The following FLI1 variants were observed in gnomAD, a reference collection of about 807,000 sequenced individuals.
The protein encoded by FLI1 is Fli-1 proto-oncogene, ETS transcription factor.
Under a neutral mutation model 53.1 loss-of-function variants are expected in FLI1, and 13 were observed. The observed-to-expected ratio is 0.24, with a 90% CI of 0.16 to 0.39. FLI1 has a LOEUF of 0.39. FLI1 is among the 10% of genes least tolerant of loss of function. The pLI is 1.00. For synonymous variants in FLI1, 244 were observed against 236.7 expected (o/e 1.03, Z -0.28); for missense variants, 424 against 600.5 (o/e 0.71, Z 3.07).
At chr11:128,784,018 G>A (rs1273293202) in intron 5 of FLI1, among the ~76,000 whole-genome samples, 3 of 151,968 alleles carry the variant, frequency 2.0e-5, no homozygotes, top group Non-Finnish European at 1.5e-5. Context: ...AGGGAGGGAT[G>A]GGAGGAACCC....
At chr11:128,768,398 C>G (rs1291982411) in intron 3 of FLI1, 126 bp downstream of exon 3, 2 of 1,222,040 alleles carry the variant, frequency 1.6e-6, no homozygotes, top group African/African-American at 1.5e-5. Flanking sequence ...AAGCTGCACG[C>G]CAGCCGGGAG....
At chr11:128,775,712 C>T (rs531479611) in intron 4 of FLI1, among the ~76,000 whole-genome samples, 21 of 152,326 alleles carry the variant, frequency 1.4e-4, no homozygotes, top group African/African-American at 4.8e-4. Flanking sequence ...AAGGCCAGTG[C>T]TTGTGGAGAG....
At chr11:128,799,040 A>T (rs625727) in intron 5 of FLI1, among the ~76,000 whole-genome samples, 24,927 of 130,774 alleles carry the variant, frequency 0.19, 2,543 homozygotes, top group Non-Finnish European at 0.22. Flanking sequence ...TATTATTATT[A>T]TTATTATTAT....
At chr11:128,724,959 C>A (rs1939411764) in intron 1 of FLI1, among the ~76,000 whole-genome samples, 1 of 152,184 alleles carries the variant, frequency 6.6e-6, no homozygotes, top group Non-Finnish European at 1.5e-5. Flanking sequence ...AAAGAGACGG[C>A]ATAAAAGCCA....
intron 1 of FLI1, among the ~76,000 whole-genome samples, chr11:128,750,921 G>A (rs1017424185): frequency 6.6e-5 from 10 of 152,162 alleles, no homozygotes; most frequent in South Asian, 4.1e-4. Flanking sequence ...TGTGGTGTAC[G>A]AACAACAGTA....
At chr11:128,719,197 G>A (rs779074941) in intron 1 of FLI1, among the ~76,000 whole-genome samples, 30 of 151,748 alleles carry the variant, frequency 2.0e-4, no homozygotes, top group Non-Finnish European at 4.3e-4. Context: ...AGACAGGCAG[G>A]ACCCTGTTCA....
At position 128,790,877 on chromosome 11, in the gene FLI1, C is replaced by G. The variant is rs540474486; in HGVS notation, c.655+8854C>G. Among the ~76,000 whole-genome samples, 15 of 152,284 alleles carry G rather than the reference C, an allele frequency of 9.9e-5. No individual in the cohort carries two copies. The East Asian group carries it at 2.9e-3, about 29-fold the overall frequency. On this transcript the variant is annotated intron_variant, in intron 5 of 8. Coordinates refer to ENST00000527786, the MANE Select transcript of FLI1 (RefSeq NM_002017.5). The stretch of plus-strand genomic sequence containing the variant: ...TGGATTAATTTAATGAAACGCATCA[C>G]CATACATCCCACTGTGGAGGGAACT...
rs558168664 is a variant in FLI1, at chr11:128,758,228, G to A, written c.132G>A (p.Gln44=). The A allele has an allele frequency of 2.5e-6, 4 of 1,613,486 alleles. No homozygotes were observed. In the African/African-American group the frequency reaches 4.0e-5, roughly 16 times the overall value. ...MTASGSPDYG[Q]PHKINPLPPQ... ...CCTCGGGGAGTCCTGACTACGGGCA[G>A]CCCCACAAGATCAACCCCCTCCCAC... is the stretch of plus-strand genomic sequence containing the variant. The change falls in exon 2 of 9, where the codon CAG becomes CAA. Residue 44 remains glutamine, a synonymous_variant. Transcript: ENST00000527786.
chr11:128,709,384 C>T (rs1219046305), intron 1 of FLI1, among the ~76,000 whole-genome samples: 1 of 152,094 alleles, frequency 6.6e-6, no homozygotes, highest in African/African-American at 2.4e-5. Context: ...TTTTTCTGGC[C>T]TTAGTGATTT....
chr11:128,712,408 T>C (rs189000914), intron 1 of FLI1, among the ~76,000 whole-genome samples: 77 of 152,324 alleles, frequency 5.1e-4, no homozygotes, highest in Non-Finnish European at 8.4e-4. Flanking sequence ...GCCTCAGATA[T>C]TCCGTTATAG....
intron 1 of FLI1, among the ~76,000 whole-genome samples, chr11:128,694,933 T>G (rs1308075633): frequency 6.6e-6 from 1 of 152,086 alleles, no homozygotes; most frequent in Non-Finnish European, 1.5e-5. Context: ...GCGGGACTCC[T>G]GGGCCGGCCT....
intron 1 of FLI1, among the ~76,000 whole-genome samples, chr11:128,737,572 GAAAT>G: frequency 6.6e-6 from 1 of 152,214 alleles, no homozygotes; most frequent in East Asian, 1.9e-4. Context: ...TATTTTAAAT[GAAAT>G]AAATGATGCA....
chr11:128,807,413 T>C (rs1565511174), intron 7 of FLI1, among the ~76,000 whole-genome samples, 174 bp downstream of exon 7: 1 of 152,240 alleles, frequency 6.6e-6, no homozygotes, highest in South Asian at 2.1e-4. Flanking sequence ...GGTACTGACA[T>C]CAAGTAGAGA....
chr11:128,713,438 A>G (rs777881139), intron 1 of FLI1, among the ~76,000 whole-genome samples: 3 of 152,180 alleles, frequency 2.0e-5, no homozygotes, highest in Non-Finnish European at 2.9e-5. Context: ...AATTCTGTGA[A>G]CAAAGTGAGT....
intron 1 of FLI1, among the ~76,000 whole-genome samples, chr11:128,705,612 G>T (rs1565458052): frequency 6.6e-6 from 1 of 152,146 alleles, no homozygotes; most frequent in African/African-American, 2.4e-5. Context: ...GGAAATCATT[G>T]AGTAGGGCTG....
intron 1 of FLI1, among the ~76,000 whole-genome samples, chr11:128,696,368 A>G (rs1415108615): frequency 1.3e-5 from 2 of 152,222 alleles, no homozygotes; most frequent in Non-Finnish European, 2.9e-5. Flanking sequence ...TTCTGTTCGC[A>G]TGTGACCTCT....
intron 1 of FLI1, among the ~76,000 whole-genome samples, chr11:128,709,860 A>G (rs1938713912): frequency 6.6e-6 from 1 of 152,196 alleles, no homozygotes; most frequent in South Asian, 2.1e-4. Context: ...GTTAATTCAG[A>G]GGGAGATACC....
chr11:128,793,086 C>A (rs924807509), intron 5 of FLI1, among the ~76,000 whole-genome samples: 1 of 151,914 alleles, frequency 6.6e-6, no homozygotes, highest in Non-Finnish European at 1.5e-5. Context: ...CCACTGCACT[C>A]CAGCCTGGGC....
intron 1 of FLI1, among the ~76,000 whole-genome samples, chr11:128,699,333 GAA>G (rs1188046486): frequency 2.0e-5 from 3 of 152,204 alleles, no homozygotes; most frequent in East Asian, 3.8e-4. Context: ...TAGAAAGAAA[GAA>G]AAGAGTTGGG....
Sources: allele counts gnomAD v4.1 joint callset (sites outside exome capture counted in the v4.1 genomes callset), GRCh38; gene constraint gnomAD v4.1.1; transcripts MANE v1.5; gene names NCBI Gene and HGNC (gene_info 2026-07-23, HGNC 2026-07-21).